Variants in NAA11 observed in about 807,000 individuals in gnomAD.
NAA11 encodes N-alpha-acetyltransferase 11.
A neutral mutation model predicts 16.1 loss-of-function variants in NAA11; 15 were observed. The observed-to-expected ratio is 0.93, with a 90% CI of 0.62 to 1.44. NAA11 has a LOEUF of 1.44. NAA11 is among the 40% of genes most tolerant of loss of function. NAA11 has a pLI of 0.00. For synonymous variants in NAA11, 122 were observed against 112.4 expected (o/e 1.09, Z -0.54); for missense variants, 298 against 291.3 (o/e 1.02, Z -0.17).
the NAA11 span, among the ~76,000 whole-genome samples, chr4:79,196,238 G>C: frequency 1.3e-5 from 2 of 151,860 alleles, no homozygotes; most frequent in Non-Finnish European, 2.9e-5. Flanking sequence ...CAGAATATCA[G>C]TGTCCTTACT....
chr4:79,295,826 A>G (rs536309594), intron 1 of NAA11, among the ~76,000 whole-genome samples: 14 of 152,344 alleles, frequency 9.2e-5, no homozygotes, highest in Admixed American at 4.6e-4. Context: ...AATGCAGAAC[A>G]GATTGAGTTA....
At chr4:79,167,266 T>TAGAGAGAG in the NAA11 span, among the ~76,000 whole-genome samples, 2 of 119,306 alleles carry the variant, frequency 1.7e-5, no homozygotes, top group African/African-American at 3.6e-5. Flanking sequence ...TATATATATA[T>TAGAGAGAG]ATATAGAGAG....
intron 2 of NAA11, among the ~76,000 whole-genome samples, chr4:79,248,328 C>T (rs916308008): frequency 6.6e-6 from 1 of 152,108 alleles, no homozygotes; most frequent in Admixed American, 6.5e-5. Flanking sequence ...ACACACACAC[C>T]CATAACCAAC....
chr4:79,325,587 G>A lies in NAA11; in HGVS notation c.291C>T (p.Ala97=). Residue 97 remains alanine (A), a synonymous_variant, in exon 1 of 2, where the codon GCC becomes GCT. Transcript: ENST00000286794. ...ATTTGGCGTTAAAGTTCTCTATCAT[G>A]GCCCTGGAGGCCTGGTCCATCAGCT... ...AQKLMDQASR[A]MIENFNAKYV... 1 of 1,614,076 alleles carries A rather than the reference G, an allele frequency of 6.2e-7. No homozygotes were observed. The highest frequency in any genetic ancestry group is 8.5e-7 in the Non-Finnish European group (1 of 1,179,952).
At chr4:79,203,072 T>G in the NAA11 span, among the ~76,000 whole-genome samples, 1 of 151,618 alleles carries the variant, frequency 6.6e-6, no homozygotes, top group East Asian at 1.9e-4. Flanking sequence ...CCGGAGTTTT[T>G]AAGTATTTAT....
intron 1 of NAA11, among the ~76,000 whole-genome samples, chr4:79,323,517 T>G (rs965812302): frequency 6.6e-5 from 10 of 151,698 alleles, no homozygotes; most frequent in Admixed American, 5.3e-4. Context: ...AAACTCTGTC[T>G]CTACTAAAAA....
intron 1 of NAA11, among the ~76,000 whole-genome samples, chr4:79,304,249 C>T (rs908305571): frequency 6.6e-6 from 1 of 152,146 alleles, no homozygotes; most frequent in Non-Finnish European, 1.5e-5. Flanking sequence ...GCAGAGTCAA[C>T]TGAGTGTCAG....
intron 2 of NAA11, among the ~76,000 whole-genome samples, chr4:79,247,546 G>A (rs1402130907): frequency 6.6e-6 from 1 of 152,142 alleles, no homozygotes; most frequent in Non-Finnish European, 1.5e-5. Flanking sequence ...CCTTAGGCTT[G>A]GAGGCAACAT....
downstream of NAA11, among the ~76,000 whole-genome samples, chr4:79,315,865 T>C (rs1040076741): frequency 1.3e-5 from 2 of 152,208 alleles, no homozygotes; most frequent in African/African-American, 2.4e-5. Flanking sequence ...TTATTGTTTA[T>C]TTTATTTTCA....
intron 2 of NAA11, among the ~76,000 whole-genome samples, chr4:79,248,593 C>T (rs1578161818): frequency 2.6e-5 from 4 of 152,268 alleles, no homozygotes; most frequent in African/African-American, 9.6e-5. Flanking sequence ...CAGTGCTCTA[C>T]CCCTGCATTG....
chr4:79,199,633 TG>T, the NAA11 span, among the ~76,000 whole-genome samples: 1 of 151,840 alleles, frequency 6.6e-6, no homozygotes, highest in Non-Finnish European at 1.5e-5. Context: ...CTGCACAACT[TG>T]TTTGCAATTA....
intron 2 of NAA11, among the ~76,000 whole-genome samples, chr4:79,232,912 T>C (rs2109956575): frequency 6.6e-6 from 1 of 152,156 alleles, no homozygotes; most frequent in South Asian, 2.1e-4. Context: ...AGATACTAGT[T>C]CTACTGCTAA....
chr4:79,283,053 A>G (rs564433193), intron 2 of NAA11, among the ~76,000 whole-genome samples: 5 of 152,076 alleles, frequency 3.3e-5, no homozygotes, highest in Non-Finnish European at 7.4e-5. Context: ...GTCTCTAAAT[A>G]TAAGAGCAAA....
At chr4:79,278,866 A>G (rs1722724928) in intron 2 of NAA11, among the ~76,000 whole-genome samples, 1 of 152,106 alleles carries the variant, frequency 6.6e-6, no homozygotes, top group African/African-American at 2.4e-5. Flanking sequence ...AAAGAACAGA[A>G]ATTTGTTTCC....
the NAA11 span, among the ~76,000 whole-genome samples, chr4:79,204,673 CTG>C: frequency 6.6e-6 from 1 of 151,718 alleles, no homozygotes; most frequent in Non-Finnish European, 1.5e-5. Context: ...ATAGTGCACA[CTG>C]TACATAATAA....
chr4:79,296,633 C>T (rs1458475006), intron 1 of NAA11, among the ~76,000 whole-genome samples: 1 of 152,132 alleles, frequency 6.6e-6, no homozygotes, highest in Non-Finnish European at 1.5e-5. Flanking sequence ...ATTTAATTCC[C>T]TTGCTCAAAA....
At chr4:79,167,254 C>CATATAT in the NAA11 span, among the ~76,000 whole-genome samples, 412 of 112,856 alleles carry the variant, frequency 3.7e-3, 3 homozygotes, top group African/African-American at 9.5e-3. Flanking sequence ...CACACACCCA[C>CATATAT]ATATATATAT....
chr4:79,170,014 G>A, the NAA11 span, among the ~76,000 whole-genome samples: 14 of 152,188 alleles, frequency 9.2e-5, no homozygotes, highest in Non-Finnish European at 1.8e-4. Context: ...TTATAGCCAC[G>A]CCCACAAGAG....
intron 2 of NAA11, among the ~76,000 whole-genome samples, chr4:79,263,895 A>G (rs532094947): frequency 1.3e-5 from 2 of 152,284 alleles, no homozygotes; most frequent in South Asian, 2.1e-4. Flanking sequence ...ACATGCTTCT[A>G]GAAGTCTACC....
Sources: allele counts gnomAD v4.1 joint callset (sites outside exome capture counted in the v4.1 genomes callset), GRCh38; gene constraint gnomAD v4.1.1; transcripts MANE v1.5; gene names NCBI Gene and HGNC (gene_info 2026-07-23, HGNC 2026-07-21).